The following CNOT3 variants were observed in gnomAD, a reference collection of about 807,000 sequenced individuals.
CNOT3 encodes CCR4-NOT transcription complex subunit 3, also known as CCR4-associated factor 3.
In CNOT3, 2 loss-of-function variants were observed where a neutral mutation model predicts 89.4. The observed-to-expected ratio is 0.02, with a 90% confidence interval of 0.01 to 0.07. The LOEUF is 0.07. Ranked by LOEUF, CNOT3 falls within the 10% of genes least tolerant of loss-of-function variation. The pLI is 1.00. For synonymous variants in CNOT3, 486 were observed against 402.0 expected (o/e 1.21, Z -2.50); for missense variants, 664 against 1,010.2 (o/e 0.66, Z 4.65).
At position 54,148,234 on chromosome 19, in the gene CNOT3, C is replaced by G. The variant is rs971897825; in HGVS notation, c.981C>G (p.Pro327=). ...TGCCGCCCACCTACCCCTCCGGCCC[C>G]CCGCCTGCTGCCTCTGCCTTGAGCA... is the stretch of plus-strand genomic sequence containing the variant. The part of the protein sequence containing the change: ...PAVPPTYPSG[P]PPAASALSTT... The change falls in exon 11 of 18, where the codon CCC becomes CCG. Residue 327 remains proline, a synonymous_variant. Coordinates refer to ENST00000221232, the MANE Select transcript of CNOT3 (RefSeq NM_014516.4). The surrounding 1 kb of genome is among the most constrained non-coding windows in gnomAD (Gnocchi z 6.3). 1 of 1,601,354 alleles carries G rather than the reference C, an allele frequency of 6.2e-7. No homozygotes were observed. The highest frequency in any genetic ancestry group is 8.5e-7 in the Non-Finnish European group (1 of 1,173,450).
At chr19:54,150,366 G>A (rs1311547789) in intron 13 of CNOT3, among the ~76,000 whole-genome samples, 3 of 152,232 alleles carry the variant, frequency 2.0e-5, no homozygotes, top group African/African-American at 7.2e-5. Flanking sequence ...GCATCTGCCT[G>A]TGTGCTTAGG....
intron 10 of CNOT3, among the ~76,000 whole-genome samples, chr19:54,146,859 C>T (rs2074701868): frequency 6.6e-6 from 1 of 152,182 alleles, no homozygotes; most frequent in African/African-American, 2.4e-5. Context: ...CACAGGTCAC[C>T]CTTGGCCTGG....
At position 54,144,321 on chromosome 19, in the gene CNOT3, G is replaced by A. The variant is rs1319334399; in HGVS notation, c.472G>A (p.Gly158Ser). 2 of 1,613,604 alleles carry A rather than the reference G, an allele frequency of 1.2e-6. No homozygotes were observed. The highest frequency in any genetic ancestry group is 8.5e-7 in the Non-Finnish European group (1 of 1,179,580). Reference sequence around the variant, plus strand: ...GTCAGTGCAGACACGCAAGAAGAAGGGCGACAAGGATGTGAGTGAGGGAGA... The same window carrying A: ...GTCAGTGCAGACACGCAAGAAGAAGAGCGACAAGGATGTGAGTGAGGGAGA... ...SLSVQTRKKK[G>S]DKDKQDRIEG... Residue 158 changes from glycine (G) to serine (S), a missense_variant, in exon 7 of 18, where the codon GGC becomes AGC. Coordinates refer to ENST00000221232, the MANE Select transcript of CNOT3 (RefSeq NM_014516.4). The surrounding 1 kb of genome is among the most constrained non-coding windows in gnomAD (Gnocchi z 4.8).
chr19:54,138,161 G>T (rs1277679965), intron 1 of CNOT3, among the ~76,000 whole-genome samples, 168 bp downstream of exon 1: 1 of 151,756 alleles, frequency 6.6e-6, no homozygotes, highest in Admixed American at 6.6e-5. Flanking sequence ...CTCCCGGCGG[G>T]GGGCGGCTCC....
chr19:54,155,431 C>G lies in CNOT3; in HGVS notation c.*24C>G. 1 of 1,479,422 alleles carries G rather than the reference C, an allele frequency of 6.8e-7. No individual in the cohort carries two copies. The highest frequency in any genetic ancestry group is 1.2e-5 in the South Asian group (1 of 83,200). The allele number at this position is 1,479,422 out of a possible 1,614,324, so 91.6% of individuals were successfully genotyped here. ...GACACCGGCCCCTCCCTCTACCCAC[C>G]CCCTTCCCCCGCATGCTGATCCCCC... On this transcript the variant is annotated 3_prime_UTR_variant, in exon 18 of 18. Transcript: ENST00000221232.
At position 54,143,012 on chromosome 19, in the gene CNOT3, C is replaced by CT; in HGVS notation, c.25+10dup. The CT allele has an allele frequency of 6.2e-7, 1 of 1,614,066 alleles. No individual in the cohort carries two copies. The highest frequency in any genetic ancestry group is 8.5e-7 in the Non-Finnish European group (1 of 1,179,964). Reference sequence around the variant, plus strand: ...CAAGCGCAAACTCCAAGGTACTAGACTGACTTCCTGCTGCACCTGTAGCCA... The same window carrying CT: ...CAAGCGCAAACTCCAAGGTACTAGACTTGACTTCCTGCTGCACCTGTAGCCA... On this transcript the variant is annotated intron_variant, in intron 2 of 17. Coordinates refer to ENST00000221232, the MANE Select transcript of CNOT3 (RefSeq NM_014516.4).
rs746072730 is a variant in CNOT3 at position 54,145,419 on chromosome 19, G to C, written c.484-179G>C. 6.3e-5 allele frequency: 38 copies of C among 604,824 alleles called. No individual in the cohort carries two copies. Among genetic ancestry groups the C allele is most frequent in the Non-Finnish European group, 9.5e-5 (32 of 338,378 alleles). 37.5% of individuals were successfully genotyped at this position (604,824 alleles called of 1,614,324 possible). On this transcript the variant is annotated intron_variant, in intron 7 of 17. Coordinates refer to ENST00000221232, the MANE Select transcript of CNOT3 (RefSeq NM_014516.4). This position sits in a 1 kb window ranked among gnomAD's most constrained non-coding sequence, Gnocchi z 5.9. Reference sequence around the variant, plus strand: ...TGGGATCCCAAGATGTCAAGGCTAAGATTGGTCCCCACAGGGCTCAGAGGG... The same window carrying C: ...TGGGATCCCAAGATGTCAAGGCTAACATTGGTCCCCACAGGGCTCAGAGGG...
chr19:54,153,100 G>A, intron 16 of CNOT3, 101 bp downstream of exon 16: 2 of 1,198,422 alleles, frequency 1.7e-6, no homozygotes, highest in Non-Finnish European at 2.5e-6. Context: ...CCCCACTGCG[G>A]CCACTGGGAC....
intron 13 of CNOT3, among the ~76,000 whole-genome samples, chr19:54,150,045 C>T (rs1200175240): frequency 6.6e-6 from 1 of 152,124 alleles, no homozygotes; most frequent in Non-Finnish European, 1.5e-5. Context: ...CTCTGGGTCT[C>T]CATCTTCATC....
chr19:54,148,384 A>C lies in CNOT3; in HGVS notation c.1131A>C (p.Pro377=). The change falls in exon 11 of 18, where the codon CCA becomes CCC. Residue 377 remains proline (P), a synonymous_variant. Coordinates refer to ENST00000221232, the MANE Select transcript of CNOT3 (RefSeq NM_014516.4). The surrounding 1 kb of genome is among the most constrained non-coding windows in gnomAD (Gnocchi z 6.3). The part of the protein sequence containing the change: ...TPAPYAQAVA[P]PAPSGPSTTQ... ...CTCCCTATGCCCAGGCTGTGGCCCC[A>C]CCAGCTCCCAGTGGGCCCAGCACGA... is the stretch of plus-strand genomic sequence containing the variant. 6.4e-7 allele frequency: 1 copy of C among 1,562,856 alleles called. No individual in the cohort carries two copies. Among genetic ancestry groups the C allele is most frequent in the Non-Finnish European group, 8.7e-7 (1 of 1,152,572 alleles).
At position 54,152,579 on chromosome 19, in the gene CNOT3, G is replaced by C. The variant is rs749966792; in HGVS notation, c.1857G>C (p.Glu619Asp). 6 of 1,614,042 alleles carry C rather than the reference G, an allele frequency of 3.7e-6. No individual in the cohort carries two copies. In the East Asian group the frequency reaches 1.3e-4, roughly 36 times the overall value. Reference sequence around the variant, plus strand: ...AGCTCTATCAGCAGGCCATGGAAGAGGCCGCCTGGCACCACATGCCTCACC... The same window carrying C: ...AGCTCTATCAGCAGGCCATGGAAGACGCCGCCTGGCACCACATGCCTCACC... Reference protein sequence around the residue: ...KEQLYQQAMEEAAWHHMPHPS... With the variant: ...KEQLYQQAMEDAAWHHMPHPS... The change falls in exon 15 of 18, where the codon GAG becomes GAC. Residue 619 changes from glutamate to aspartate, a missense_variant. Around this residue, in one of 8 missense-constraint regions of CNOT3, gnomAD observed 545 missense variants for 566.2 expected, o/e 0.96. Coordinates refer to ENST00000221232, the MANE Select transcript of CNOT3 (RefSeq NM_014516.4).
At position 54,153,568 on chromosome 19, in the gene CNOT3, C is replaced by T. The variant is rs570059492; in HGVS notation, c.2038-147C>T. 7.7e-6 allele frequency: 6 copies of T among 782,542 alleles called. No homozygotes were observed. In the African/African-American group the frequency reaches 1.0e-4, roughly 13 times the overall value. 48.5% of individuals were successfully genotyped at this position (782,542 alleles called of 1,614,324 possible). On this transcript the variant is annotated intron_variant, in intron 16 of 17. Coordinates refer to ENST00000221232, the MANE Select transcript of CNOT3 (RefSeq NM_014516.4). ...GATCAGCATTGGTATGTTCTGTGCCCCCAGCCCCATCTCCAAGAGGATTGT... is the reference window on the plus strand; with the variant it reads ...GATCAGCATTGGTATGTTCTGTGCCTCCAGCCCCATCTCCAAGAGGATTGT...
intron 13 of CNOT3, among the ~76,000 whole-genome samples, chr19:54,150,754 C>T (rs1028368860): frequency 1.3e-5 from 2 of 150,922 alleles, no homozygotes; most frequent in Non-Finnish European, 3.0e-5. Flanking sequence ...TCATAAAGCT[C>T]TTGGAACAGT....
chr19:54,146,133 A>C (rs2146601246), intron 9 of CNOT3, 90 bp downstream of exon 9: 2 of 1,410,108 alleles, frequency 1.4e-6, no homozygotes, highest in East Asian at 4.6e-5. Flanking sequence ...TGGCTATGGG[A>C]GCGTAATTGA....
At chr19:54,146,519 C>G (rs1402037379) in intron 9 of CNOT3, 82 bp from the exon 10 acceptor site, 5 of 792,968 alleles carry the variant, frequency 6.3e-6, no homozygotes, top group African/African-American at 3.4e-5. Context: ...GGGCCCAGGT[C>G]CCCGGGGCAT....
intron 1 of CNOT3, among the ~76,000 whole-genome samples, chr19:54,138,516 G>A (rs1007003698): frequency 2.0e-5 from 3 of 152,030 alleles, no homozygotes; most frequent in African/African-American, 7.2e-5. Flanking sequence ...GAGGGGGGGT[G>A]GTGGTCGGGA....
In CNOT3 at chr19:54,155,429, A is replaced by AC. The variant is rs762469816; in HGVS notation, c.*27dup. Reference sequence around the variant, plus strand: ...GTGACACCGGCCCCTCCCTCTACCCACCCCCTTCCCCCGCATGCTGATCCC... The same window carrying AC: ...GTGACACCGGCCCCTCCCTCTACCCACCCCCCTTCCCCCGCATGCTGATCCC... On this transcript the variant is annotated 3_prime_UTR_variant, in exon 18 of 18. Coordinates refer to ENST00000221232, the MANE Select transcript of CNOT3 (RefSeq NM_014516.4). The AC allele has an allele frequency of 1.5e-6, 2 of 1,360,302 alleles. No homozygotes were observed. The highest frequency in any genetic ancestry group is 1.0e-6 in the Non-Finnish European group (1 of 988,686). 84.3% of individuals were successfully genotyped at this position (1,360,302 alleles called of 1,614,324 possible).
In CNOT3 at chr19:54,152,412, C is replaced by G; in HGVS notation, c.1706-16C>G. 1 of 1,613,884 alleles carries G rather than the reference C, an allele frequency of 6.2e-7. No homozygotes were observed. The highest frequency in any genetic ancestry group is 1.7e-5 in the Admixed American group (1 of 60,020). On this transcript the variant is annotated splice_polypyrimidine_tract_variant and intron_variant, in intron 14 of 17. Coordinates refer to ENST00000221232, the MANE Select transcript of CNOT3 (RefSeq NM_014516.4). ...TCCTCACCACTGAGGGGGCCGGACC[C>G]CCACCCTCCCCACAGACATCATCCT...
chr19:54,155,629 G>T lies in CNOT3; in HGVS notation c.*222G>T. On this transcript the variant is annotated 3_prime_UTR_variant, in exon 18 of 18. Coordinates refer to ENST00000221232, the MANE Select transcript of CNOT3 (RefSeq NM_014516.4). ...CCCTCCCCAGTGAGGGACATTTTTT[G>T]GTAAACCTATTTTCATTTTGGAAAA... The T allele has an allele frequency of 1.5e-6, 2 of 1,304,118 alleles. No individual in the cohort carries two copies. Among genetic ancestry groups the T allele is most frequent in the Non-Finnish European group, 2.1e-6 (2 of 952,510 alleles). 80.8% of individuals were successfully genotyped at this position (1,304,118 alleles called of 1,614,324 possible). A position where few individuals can be genotyped will look rare whatever the true frequency, so the allele number is the denominator to read the frequency against.
Sources: gnomAD v4.1 joint callset for allele counts (sites outside exome capture counted in the v4.1 genomes callset) on GRCh38, gnomAD v4.1.1 for gene constraint, gnomAD v4.1.1 regional missense constraint, Gnocchi (gnomAD v3.1) non-coding constraint, MANE v1.5 for transcripts, NCBI Gene and HGNC (gene_info 2026-07-23, HGNC 2026-07-21) for gene names.